Variants in TERT observed in about 807,000 individuals in gnomAD.
TERT encodes telomerase reverse transcriptase, also known as telomerase catalytic subunit.
Under a neutral mutation model 104.0 loss-of-function variants are expected in TERT, and 42 were observed. The observed-to-expected ratio is 0.40, with a 90% CI of 0.32 to 0.52. The LOEUF (loss-of-function observed/expected upper bound fraction) is 0.52. TERT is among the 20% of genes least tolerant of loss of function. The probability of loss-of-function intolerance (pLI) is 0.43; values close to 1 mark genes in which losing one functional copy is unlikely to be tolerated. For synonymous variants in TERT, 781 were observed against 725.6 expected (o/e 1.08, Z -1.23); for missense variants, 1,101 against 1,610.3 (o/e 0.68, Z 5.41).
Position 1,293,547 on chromosome 5 carries a change from G to C in TERT, c.1339C>G (p.Arg447Gly). The C allele has an allele frequency of 6.5e-7, 1 of 1,549,966 alleles. No homozygotes were observed. Among genetic ancestry groups the C allele is most frequent in the Non-Finnish European group, 8.7e-7 (1 of 1,146,104 alleles). The change falls in exon 2 of 16, where the codon CGC becomes GGC. Residue 447 changes from arginine (R) to glycine (G), a missense_variant. Transcript: ENST00000310581. ...TGCTGGCGGAGCAGCTGCACCAGGCGACGGGGGTCTGTGTCCTCCTCCTCG... is the reference window on the plus strand; with the variant it reads ...TGCTGGCGGAGCAGCTGCACCAGGCCACGGGGGTCTGTGTCCTCCTCCTCG... ...APEEEDTDPR[R>G]LVQLLRQHSS...
At chr5:1,258,101 G>A (rs934727338) in intron 13 of TERT, among the ~76,000 whole-genome samples, 7 of 152,212 alleles carry the variant, frequency 4.6e-5, no homozygotes, top group African/African-American at 1.7e-4. Flanking sequence ...GCACAGCCAT[G>A]CCCAGAGCAC....
At position 1,258,594 on chromosome 5, in the gene TERT, T is replaced by C; in HGVS notation, c.3032+4A>G. 1 of 1,565,130 alleles carries C rather than the reference T, an allele frequency of 6.4e-7. No homozygotes were observed. Among genetic ancestry groups the C allele is most frequent in the Non-Finnish European group, 8.7e-7 (1 of 1,154,330 alleles). On this transcript the variant is annotated splice_donor_region_variant and intron_variant, in intron 13 of 15. Coordinates refer to ENST00000310581, the MANE Select transcript of TERT (RefSeq NM_198253.3). ...TGGGCCTGCACCCCTTGGTGGCGGC[T>C]CACCTGTACGCCTGCAGCAGGAGGA...
chr5:1,272,671 C>T (rs1339817501), intron 6 of TERT, among the ~76,000 whole-genome samples: 146 of 63,314 alleles, frequency 2.3e-3, no homozygotes, highest in Non-Finnish European at 4.5e-3. Flanking sequence ...CCGCCATCCA[C>T]AGTCACCACA....
Position 1,294,802 on chromosome 5 carries a change from C to T in TERT, c.188G>A (p.Arg63Gln), listed in dbSNP as rs1336720402. Residue 63 changes from arginine (R) to glutamine (Q), a missense_variant, in exon 1 of 16, where the codon CGG becomes CAG. Arg to Gln is a conservative substitution (Grantham distance 43). Around this residue, in one of 5 missense-constraint regions of TERT, gnomAD observed 87 missense variants for 145.4 expected, o/e 0.60. Transcript: ENST00000310581. ...GAAGGAGGGGGCGGCGGGGGGCGGC[C>T]GTGCGTCCCAGGGCACGCACACCAG... ...QCLVCVPWDA[R>Q]PPPAAPSFRQ... 2.0e-6 allele frequency: 3 copies of T among 1,521,640 alleles called. No homozygotes were observed. The highest frequency in any genetic ancestry group is 2.4e-5 in the South Asian group (2 of 82,480). The allele number at this position is 1,521,640 out of a possible 1,614,324, so 94.3% of individuals were successfully genotyped here. A position where few individuals can be genotyped will look rare whatever the true frequency, so the allele number is the denominator to read the frequency against.
At chr5:1,282,905 A>G in intron 2 of TERT, 3 of 427,358 alleles carry the variant, frequency 7.0e-6, no homozygotes, top group Non-Finnish European at 8.6e-6. Flanking sequence ...CATCCAGCTC[A>G]CCGCAGGGCC....
At chr5:1,267,219 G>T (rs946021674) in intron 9 of TERT, among the ~76,000 whole-genome samples, 1 of 152,236 alleles carries the variant, frequency 6.6e-6, no homozygotes, top group South Asian at 2.1e-4. Context: ...AGTTTCAAAA[G>T]ATGCACAGGA....
At position 1,263,458 on chromosome 5, in the gene TERT, C is replaced by T. The variant is rs1184317313; in HGVS notation, c.2843+946G>A. On this transcript the variant is annotated intron_variant, in intron 11 of 15. Coordinates refer to ENST00000310581, the MANE Select transcript of TERT (RefSeq NM_198253.3). The surrounding 1 kb of genome is among the most constrained non-coding windows in gnomAD (Gnocchi z 5.3). ...TCACTCTGTTGCCCAGGCTGGAGTGCAGTGGTGTGATCTCGGCTCACTGCA... is the reference window on the plus strand; with the variant it reads ...TCACTCTGTTGCCCAGGCTGGAGTGTAGTGGTGTGATCTCGGCTCACTGCA... Among the ~76,000 whole-genome samples the T allele has an allele frequency of 6.6e-6, 1 of 151,238 alleles. No homozygotes were observed. The highest frequency in any genetic ancestry group is 1.5e-5 in the Non-Finnish European group (1 of 67,960).
At chr5:1,273,492 C>CACGA (rs1195841521) in intron 6 of TERT, among the ~76,000 whole-genome samples, 4 of 27,070 alleles carry the variant, frequency 1.5e-4, no homozygotes, top group Admixed American at 5.1e-4. Context: ...CATCAGACCC[C>CACGA]CGGGACCAAC....
rs35929262 is a variant in TERT at position 1,272,076 on chromosome 5, C to A, written c.2382+109G>T. The A allele has an allele frequency of 1.2e-3, 1,132 of 956,330 alleles. 9 individuals carry two copies. The African/African-American group carries it at 0.017, about 14-fold the overall frequency. 59.2% of individuals were successfully genotyped at this position (956,330 alleles called of 1,614,324 possible). ...ATGCCCCCATCACAGCTCATTCCCC[C>A]CACTGCCCCCCAGGGCCAACAGTCT... On this transcript the variant is annotated intron_variant, in intron 7 of 15. Transcript: ENST00000310581.
chr5:1,291,640 G>C (rs1265995831), intron 2 of TERT, among the ~76,000 whole-genome samples: 3 of 149,086 alleles, frequency 2.0e-5, no homozygotes, highest in Non-Finnish European at 3.0e-5. Context: ...GGGACACCCG[G>C]GGGCCACACC....
chr5:1,284,107 C>T (rs1750282978), intron 2 of TERT, among the ~76,000 whole-genome samples: 4 of 138,808 alleles, frequency 2.9e-5, no homozygotes, highest in East Asian at 2.3e-4. Flanking sequence ...CTGCATCATC[C>T]GGACTCCATA....
intron 2 of TERT, among the ~76,000 whole-genome samples, chr5:1,283,876 A>C (rs1750255975): frequency 7.5e-6 from 1 of 133,104 alleles, no homozygotes; most frequent in African/African-American, 2.9e-5. Context: ...GACACCGCAC[A>C]TCCAGCTCAC....
In TERT at chr5:1,292,972, A is replaced by AC; in HGVS notation, c.1573+340dup. ...AGAGGATTATAGGTAACCTGCAGGC[A>AC]CCCTCGCCAGAGCGTCTGTGCTTCC... On this transcript the variant is annotated intron_variant, in intron 2 of 15. Coordinates refer to ENST00000310581, the MANE Select transcript of TERT (RefSeq NM_198253.3). This position sits in a 1 kb window ranked among gnomAD's most constrained non-coding sequence, Gnocchi z 5.5. 6.6e-6 allele frequency among the ~76,000 whole-genome samples: 1 copy of AC among 152,180 alleles called. No homozygotes were observed. The highest frequency in any genetic ancestry group is 2.1e-4 in the South Asian group (1 of 4,812).
At chr5:1,290,178 T>C (rs71575519) in intron 2 of TERT, among the ~76,000 whole-genome samples, 32 of 59,562 alleles carry the variant, frequency 5.4e-4, no homozygotes, top group Non-Finnish European at 6.1e-4. Context: ...CCGGGGACAG[T>C]GCCTCACTCA....
chr5:1,294,188 G>C lies in TERT; in HGVS notation c.698C>G (p.Pro233Arg). Residue 233 changes from proline (P) to arginine (R), a missense_variant, in exon 2 of 16, where the codon CCG (proline) becomes CGG (arginine). By Grantham distance (103) the Pro-to-Arg change is moderately radical. Coordinates refer to ENST00000310581, the MANE Select transcript of TERT (RefSeq NM_198253.3). Reference protein sequence around the residue: ...RRGGSASRSLPLPKRPRRGAA... With the variant: ...RRGGSASRSLRLPKRPRRGAA... ...GCCACGCCTGGGCCTCTTGGGCAAC[G>C]GCAGACTTCGGCTGGCACTGCCCCC... 3 of 1,581,614 alleles carry C rather than the reference G, an allele frequency of 1.9e-6. No individual in the cohort carries two copies. The highest frequency in any genetic ancestry group is 1.1e-5 in the South Asian group (1 of 88,526).
Position 1,261,442 on chromosome 5 carries a change from T to A in TERT, c.2844-842A>T, listed in dbSNP as rs955609965. Among the ~76,000 whole-genome samples, 1 of 152,180 alleles carries A rather than the reference T, an allele frequency of 6.6e-6. No homozygotes were observed. The highest frequency in any genetic ancestry group is 1.5e-5 in the Non-Finnish European group (1 of 68,028). ...AAATAAGACCCGTGATAATGTCTGG[T>A]CACTTCAGAAGTGGAATTACTGGGA... On this transcript the variant is annotated intron_variant, in intron 11 of 15. Transcript: ENST00000310581. This position sits in a 1 kb window ranked among gnomAD's most constrained non-coding sequence, Gnocchi z 7.4.
Position 1,268,374 on chromosome 5 carries a change from C to T in TERT, c.2582+146G>A. The T allele has an allele frequency of 4.4e-6, 3 of 686,860 alleles. No homozygotes were observed. Among genetic ancestry groups the T allele is most frequent in the Non-Finnish European group, 7.8e-6 (3 of 384,260 alleles). 42.5% of individuals were successfully genotyped at this position (686,860 alleles called of 1,614,324 possible). ...AGGCTGTGCAACCCCTCCCGTGCGG[C>T]TTCATACCAAGAAGGGGCTGCAACC... On this transcript the variant is annotated intron_variant, in intron 9 of 15. Transcript: ENST00000310581. This position sits in a 1 kb window ranked among gnomAD's most constrained non-coding sequence, Gnocchi z 5.5.
chr5:1,279,464 G>A lies in TERT; in HGVS notation c.1957C>T (p.Arg653Cys), dbSNP rs372272356. Residue 653 changes from arginine (R) to cysteine (C), a missense_variant, in exon 5 of 16, where the codon CGT becomes TGT. Transcript: ENST00000310581. ...AGTGCCTTCACCCTCGAGGTGAGACGCTCGGCCTGGCGGGGACAGCATGGG... is the reference window on the plus strand; with the variant it reads ...AGTGCCTTCACCCTCGAGGTGAGACACTCGGCCTGGCGGGGACAGCATGGG... ...RTFRREKRAE[R>C]LTSRVKALFS... 2.6e-5 allele frequency: 40 copies of A among 1,549,108 alleles called. No individual in the cohort carries two copies. The highest frequency in any genetic ancestry group is 9.8e-5 in the Admixed American group (5 of 51,094).
intron 9 of TERT, among the ~76,000 whole-genome samples, chr5:1,267,748 A>G (rs1748716877): frequency 6.6e-6 from 1 of 152,022 alleles, no homozygotes; most frequent in African/African-American, 2.4e-5. Flanking sequence ...AAAACCAAAC[A>G]CCACATGTTC....
Sources: gnomAD v4.1 joint callset for allele counts (sites outside exome capture counted in the v4.1 genomes callset) on GRCh38, gnomAD v4.1.1 for gene constraint, gnomAD v4.1.1 regional missense constraint, Gnocchi (gnomAD v3.1) non-coding constraint, MANE v1.5 for transcripts, NCBI Gene and HGNC (gene_info 2026-07-23, HGNC 2026-07-21) for gene names.